The following PTPN11 variants were observed in gnomAD, a reference collection of about 807,000 sequenced individuals.
The protein encoded by PTPN11 is tyrosine-protein phosphatase non-receptor type 11.
In PTPN11, 6 loss-of-function variants were observed where a neutral mutation model predicts 78.8. That is an observed-to-expected ratio of 0.08 (90% CI 0.04 to 0.15). The LOEUF is 0.15. PTPN11 is among the 10% of genes least tolerant of loss of function. PTPN11 has a pLI of 1.00. For synonymous variants in PTPN11, 221 were observed against 263.5 expected, an observed-to-expected ratio of 0.84 and a Z score of 1.56; for missense variants, 386 against 744.8, an observed-to-expected ratio of 0.52 and a Z score of 5.61.
Position 112,476,224 on chromosome 12 carries a change from G to A in PTPN11, c.854-1427G>A, listed in dbSNP as rs529181837. Among the ~76,000 whole-genome samples the A allele has an allele frequency of 7.9e-5, 12 of 152,210 alleles. No individual in the cohort carries two copies. The East Asian group carries it at 1.7e-3, about 22-fold the overall frequency. On this transcript the variant is annotated intron_variant, in intron 7 of 15. Transcript: ENST00000351677. ...GTATGCAGTATCTAAATAGAATATCGCTTTTTCCTCCCTTAAAGGTCTCAT... is the reference window on the plus strand; with the variant it reads ...GTATGCAGTATCTAAATAGAATATCACTTTTTCCTCCCTTAAAGGTCTCAT...
At chr12:112,442,873 T>TAA (rs2037926904) in intron 1 of PTPN11, among the ~76,000 whole-genome samples, 2 of 78,300 alleles carry the variant, frequency 2.6e-5, no homozygotes, top group Non-Finnish European at 4.7e-5. Flanking sequence ...TATATATATA[T>TAA]ATATAAATTA....
At chr12:112,486,651 C>T (rs761192313) in intron 11 of PTPN11, 22 bp downstream of exon 11, 1 of 1,611,512 alleles carries the variant, frequency 6.2e-7, no homozygotes, top group South Asian at 1.1e-5. Flanking sequence ...TGCTGCCCCT[C>T]TAGGCCACAG....
chr12:112,459,908 TACACACACACAC>T (rs56846748), intron 6 of PTPN11, among the ~76,000 whole-genome samples: 2 of 146,984 alleles, frequency 1.4e-5, no homozygotes, highest in East Asian at 2.0e-4. Context: ...TCCTGATTGC[TACACACACACAC>T]ACACACACAC....
At chr12:112,453,658 TTTTTG>T (rs2038111334) in intron 4 of PTPN11, among the ~76,000 whole-genome samples, 1 of 151,408 alleles carries the variant, frequency 6.6e-6, no homozygotes, top group Admixed American at 6.6e-5. Context: ...TTTTTTTTTT[TTTTTG>T]TTTTTGTTTT....
chr12:112,463,412 A>G (rs980636948), intron 6 of PTPN11, among the ~76,000 whole-genome samples: 14 of 152,194 alleles, frequency 9.2e-5, no homozygotes, highest in Non-Finnish European at 5.9e-5. Flanking sequence ...ATCTGGTACC[A>G]TGGTAGCTTC....
intron 11 of PTPN11, among the ~76,000 whole-genome samples, chr12:112,487,179 G>A (rs1208789678): frequency 6.7e-6 from 1 of 149,672 alleles, no homozygotes; most frequent in Non-Finnish European, 1.5e-5. Context: ...TTGTTGCCCA[G>A]GCTAGAGTGC....
chr12:112,424,316 G>A (rs2037571029), intron 1 of PTPN11, among the ~76,000 whole-genome samples: 1 of 152,192 alleles, frequency 6.6e-6, no homozygotes, highest in Admixed American at 6.5e-5. Context: ...GTAGGTGGGA[G>A]CAGACCACAT....
In PTPN11 at chr12:112,450,295, C is replaced by T. The variant is rs1320499162; in HGVS notation, c.138-23C>T. On this transcript the variant is annotated intron_variant, in intron 2 of 15. Coordinates refer to ENST00000351677, the MANE Select transcript of PTPN11 (RefSeq NM_002834.5). The stretch of plus-strand genomic sequence containing the variant: ...TAACTCTTTATTTGTCCCCTTGCCT[C>T]CCTTTCCAATGGACTATTTTAGAAG... 6 of 1,568,714 alleles carry T rather than the reference C, an allele frequency of 3.8e-6. No individual in the cohort carries two copies. In the Admixed American group the frequency reaches 8.4e-5, roughly 22 times the overall value.
In PTPN11 at chr12:112,482,699, A is replaced by G. The variant is rs1592850676; in HGVS notation, c.1224+494A>G. ...CCTTTGGAATGGAATATTATATAAA[A>G]TGGCAGAATAAACTGGAAGAGAAGC... On this transcript the variant is annotated intron_variant, in intron 10 of 15. Coordinates refer to ENST00000351677, the MANE Select transcript of PTPN11 (RefSeq NM_002834.5). The surrounding 1 kb of genome is among the most constrained non-coding windows in gnomAD (Gnocchi z 4.4). Among the ~76,000 whole-genome samples, 1 of 152,222 alleles carries G rather than the reference A, an allele frequency of 6.6e-6. No homozygotes were observed. The highest frequency in any genetic ancestry group is 2.4e-5 in the African/African-American group (1 of 41,460).
intron 6 of PTPN11, among the ~76,000 whole-genome samples, chr12:112,466,355 A>T (rs957906832): frequency 6.6e-6 from 1 of 152,180 alleles, no homozygotes; most frequent in Non-Finnish European, 1.5e-5. Flanking sequence ...CTTGTTGCAC[A>T]ATCTGCACAC....
rs1280916264 is a variant in PTPN11, at chr12:112,456,080, C to T, written c.756+17C>T. 6.6e-7 allele frequency: 1 copy of T among 1,520,868 alleles called. No homozygotes were observed. Among genetic ancestry groups the T allele is most frequent in the Non-Finnish European group, 9.1e-7 (1 of 1,095,692 alleles). The allele number at this position is 1,520,868 out of a possible 1,614,324, so 94.2% of individuals were successfully genotyped here. A position where few individuals can be genotyped will look rare whatever the true frequency, so the allele number is the denominator to read the frequency against. Reference sequence around the variant, plus strand: ...GAATTTGAGGTAAGTTATTAAAAAACTGTTTTTACGTGAGTTGTTATATCC... The same window carrying T: ...GAATTTGAGGTAAGTTATTAAAAAATTGTTTTTACGTGAGTTGTTATATCC... On this transcript the variant is annotated intron_variant, in intron 6 of 15. Transcript: ENST00000351677.
intron 7 of PTPN11, among the ~76,000 whole-genome samples, chr12:112,473,504 C>G (rs1166726763): frequency 6.6e-6 from 1 of 152,058 alleles, no homozygotes; most frequent in African/African-American, 2.4e-5. Context: ...TTGCTGATCC[C>G]CTGAGCTCAA....
chr12:112,492,203 A>G (rs1442819635), intron 13 of PTPN11, among the ~76,000 whole-genome samples: 1 of 152,142 alleles, frequency 6.6e-6, no homozygotes, highest in Non-Finnish European at 1.5e-5. Flanking sequence ...ATGTTGTTGT[A>G]GTCTTCTTAG....
At position 112,508,110 on chromosome 12, in the gene PTPN11, G is replaced by A. The variant is rs1312645902; in HGVS notation, c.*2318G>A. ...GTTTGATTGTACAAATATATCTTCT[G>A]CATTAACATCTCTGCCTGTTGCTTA... On this transcript the variant is annotated 3_prime_UTR_variant, in exon 16 of 16. Transcript: ENST00000351677. 6.6e-6 allele frequency: 1 copy of A among 152,584 alleles called. No individual in the cohort carries two copies. Among genetic ancestry groups the A allele is most frequent in the African/African-American group, 2.4e-5 (1 of 41,422 alleles). 9.5% of individuals were successfully genotyped at this position (152,584 alleles called of 1,614,324 possible). A position where few individuals can be genotyped will look rare whatever the true frequency, so the allele number is the denominator to read the frequency against.
Position 112,492,539 on chromosome 12 carries a change from A to T in PTPN11, c.1599+3364A>T, listed in dbSNP as rs149417724. Among the ~76,000 whole-genome samples the T allele has an allele frequency of 6.6e-4, 98 of 148,386 alleles. 1 individual carries two copies. Among genetic ancestry groups the T allele is most frequent in the African/African-American group, 2.4e-3 (96 of 40,220 alleles). On this transcript the variant is annotated intron_variant, in intron 13 of 15. Coordinates refer to ENST00000351677, the MANE Select transcript of PTPN11 (RefSeq NM_002834.5). ...TCATAATACTTTTTTTTTTTTTGAG[A>T]TGGAGTCTCGCACCGTCTCCCAGGC...
At chr12:112,422,280 A>T (rs1453723639) in intron 1 of PTPN11, among the ~76,000 whole-genome samples, 1 of 152,206 alleles carries the variant, frequency 6.6e-6, no homozygotes, top group Non-Finnish European at 1.5e-5. Context: ...ATGTAAGTAT[A>T]TTCAATGTAC....
chr12:112,438,740 C>T lies in PTPN11; in HGVS notation c.15-7536C>T, dbSNP rs540618160. Among the ~76,000 whole-genome samples the T allele has an allele frequency of 1.1e-4, 16 of 152,286 alleles. No homozygotes were observed. In the East Asian group the frequency reaches 2.9e-3, roughly 28 times the overall value. Reference sequence around the variant, plus strand: ...TCAAGTGATCCACCCACCTTGGCCTCCCAAAGTGCTGGGATTACAGGCTTG... The same window carrying T: ...TCAAGTGATCCACCCACCTTGGCCTTCCAAAGTGCTGGGATTACAGGCTTG... On this transcript the variant is annotated intron_variant, in intron 1 of 15. Transcript: ENST00000351677.
chr12:112,448,765 T>C (rs970203964), intron 2 of PTPN11, among the ~76,000 whole-genome samples: 2 of 152,226 alleles, frequency 1.3e-5, no homozygotes, highest in Admixed American at 6.5e-5. Context: ...AAATGATATA[T>C]AATGCCTCAA....
Position 112,419,007 on chromosome 12 carries a change from C to T in PTPN11, c.-105C>T, listed in dbSNP as rs959088227. ...TGCGCGGCCGGCTGGCTCTGCCCCG[C>T]GTCCGGTCCCGAGCGGGCCTCCCTC... On this transcript the variant is annotated 5_prime_UTR_variant, in exon 1 of 16. Coordinates refer to ENST00000351677, the MANE Select transcript of PTPN11 (RefSeq NM_002834.5). The T allele has an allele frequency of 1.4e-5, 20 of 1,434,748 alleles. No individual in the cohort carries two copies. The highest frequency in any genetic ancestry group is 1.9e-5 in the Non-Finnish European group (20 of 1,060,116). The allele number at this position is 1,434,748 out of a possible 1,614,324, so 88.9% of individuals were successfully genotyped here. A position where few individuals can be genotyped will look rare whatever the true frequency, so the allele number is the denominator to read the frequency against.
Sources: gnomAD v4.1 joint callset for allele counts (sites outside exome capture counted in the v4.1 genomes callset) on GRCh38, gnomAD v4.1.1 for gene constraint, Gnocchi (gnomAD v3.1) non-coding constraint, MANE v1.5 for transcripts, NCBI Gene and HGNC (gene_info 2026-07-23, HGNC 2026-07-21) for gene names.